Variants in ANAPC4 observed in about 807,000 individuals in gnomAD.
The protein encoded by ANAPC4 is anaphase-promoting complex subunit 4.
In ANAPC4, 63 loss-of-function variants were observed where a neutral mutation model predicts 119.8. The observed-to-expected ratio is 0.53, with a 90% CI of 0.43 to 0.65. The LOEUF (loss-of-function observed/expected upper bound fraction) is 0.65, where lower values mean the gene tolerates loss of function less well. Ranked by LOEUF, ANAPC4 falls within the 30% of genes least tolerant of loss-of-function variation. ANAPC4 has a pLI of 0.00. For missense variants in ANAPC4, 716 were observed against 945.1 expected (o/e 0.76, Z 3.18); for synonymous variants, 283 against 318.6 (o/e 0.89, Z 1.19).
rs771587730 is a variant in ANAPC4, at chr4:25,377,543, A to G, written c.116A>G (p.Asn39Ser). ...AAGCGGGATCTCATTGCTTTGGCCA[A>G]CACAGCTGGCGAGGTGAGTGAGCCG... ...SPKRDLIALA[N>S]TAGEVLLHRL... The change falls in exon 2 of 29, where the codon AAC (asparagine) becomes AGC (serine). Residue 39 changes from asparagine to serine, a missense_variant. Transcript: ENST00000315368. 3.1e-6 allele frequency: 5 copies of G among 1,612,282 alleles called. No homozygotes were observed. Among genetic ancestry groups the G allele is most frequent in the Non-Finnish European group, 3.4e-6 (4 of 1,179,560 alleles).
chr4:25,395,077 A>G (rs1722571871), intron 14 of ANAPC4, 172 bp downstream of exon 14: 1 of 549,476 alleles, frequency 1.8e-6, no homozygotes, highest in African/African-American at 1.9e-5. Flanking sequence ...AAGAGTCAAT[A>G]ATAATTCTGC....
intron 4 of ANAPC4, among the ~76,000 whole-genome samples, chr4:25,387,977 A>G (rs1278518995): frequency 6.6e-6 from 1 of 152,046 alleles, no homozygotes; most frequent in East Asian, 1.9e-4. Flanking sequence ...AAAAATGTAT[A>G]TATTAGCTGG....
chr4:25,377,695 C>T (rs1721487924), intron 2 of ANAPC4, 139 bp downstream of exon 2: 1 of 1,275,860 alleles, frequency 7.8e-7, no homozygotes, highest in Non-Finnish European at 1.1e-6. Flanking sequence ...TGGCCACCTG[C>T]TACCCCTTCC....
At chr4:25,393,968 A>G in intron 11 of ANAPC4, 77 bp downstream of exon 11, 1 of 1,196,336 alleles carries the variant, frequency 8.4e-7, no homozygotes, top group Non-Finnish European at 1.2e-6. Context: ...TACATGAGAA[A>G]AATCAGTTTG....
chr4:25,418,007 G>A, intron 28 of ANAPC4, 148 bp from the exon 29 acceptor site: 7 of 904,274 alleles, frequency 7.7e-6, no homozygotes, highest in Non-Finnish European at 9.8e-6. Context: ...TATACAAAAT[G>A]AAGGCTGAAT....
At chr4:25,415,848 C>G in intron 26 of ANAPC4, 1 of 243,540 alleles carries the variant, frequency 4.1e-6, no homozygotes, top group African/African-American at 2.2e-5. Context: ...GTTCTTGTTA[C>G]GACCAAAAAA....
chr4:25,409,461 A>C (rs1010669102), intron 20 of ANAPC4, among the ~76,000 whole-genome samples: 1 of 152,196 alleles, frequency 6.6e-6, no homozygotes, highest in Non-Finnish European at 1.5e-5. Flanking sequence ...TAATTCTGCC[A>C]CATACACATA....
intron 17 of ANAPC4, among the ~76,000 whole-genome samples, chr4:25,403,834 CCTGT>C (rs1341601905): frequency 6.6e-6 from 1 of 152,196 alleles, no homozygotes; most frequent in African/African-American, 2.4e-5. Flanking sequence ...CCACTTACAG[CCTGT>C]CTTTGTGTCT....
At chr4:25,394,512 A>G (rs1177961105) in intron 12 of ANAPC4, 138 bp downstream of exon 12, 16 of 1,007,044 alleles carry the variant, frequency 1.6e-5, no homozygotes, top group Admixed American at 3.2e-5. Context: ...AATGTGTTAC[A>G]TACTTACGGG....
chr4:25,413,015 A>G (rs1271150741), intron 21 of ANAPC4: 1 of 151,926 alleles, frequency 6.6e-6, no homozygotes, highest in Non-Finnish European at 1.5e-5. Context: ...AGAACTAGAT[A>G]CTTAGTTATT....
intron 2 of ANAPC4, among the ~76,000 whole-genome samples, chr4:25,380,031 G>C (rs1379959294): frequency 6.6e-6 from 1 of 152,188 alleles, no homozygotes. Flanking sequence ...CTAATTCCAA[G>C]CTTAGTATAA....
intron 27 of ANAPC4, 197 bp downstream of exon 27, chr4:25,416,795 A>G (rs979971223): frequency 1.3e-5 from 5 of 373,758 alleles, no homozygotes; most frequent in African/African-American, 2.1e-5. Flanking sequence ...CCTTTGCTTT[A>G]CTAGTAAATC....
chr4:25,412,450 C>G (rs986183244), intron 21 of ANAPC4, among the ~76,000 whole-genome samples: 3 of 152,052 alleles, frequency 2.0e-5, no homozygotes, highest in African/African-American at 4.8e-5. Flanking sequence ...TGGCCAGCCC[C>G]TATCCTAAAG....
chr4:25,404,395 G>C (rs1405185889), intron 17 of ANAPC4, among the ~76,000 whole-genome samples: 1 of 151,898 alleles, frequency 6.6e-6, no homozygotes, highest in Admixed American at 6.6e-5. Flanking sequence ...GAGGTAGTTT[G>C]GTTTTACTTA....
At chr4:25,400,222 G>A (rs1722889991) in intron 16 of ANAPC4, among the ~76,000 whole-genome samples, 2 of 152,114 alleles carry the variant, frequency 1.3e-5, no homozygotes, top group Admixed American at 1.3e-4. Flanking sequence ...GCATGTTTAT[G>A]TATGGATGGA....
At position 25,406,817 on chromosome 4, in the gene ANAPC4, T is replaced by A. The variant is rs962639057; in HGVS notation, c.1318-12T>A. ...TTATCTTGATTTTTCTTTTTGTTCC[T>A]TTTGTTGATAGATGACTCAGAAAGA... On this transcript the variant is annotated splice_polypyrimidine_tract_variant and intron_variant, in intron 18 of 28. Transcript: ENST00000315368. 4 of 1,586,612 alleles carry A rather than the reference T, an allele frequency of 2.5e-6. No homozygotes were observed. The highest frequency in any genetic ancestry group is 1.7e-4 in the Middle Eastern group (1 of 5,954).
At chr4:25,414,183 A>G (rs1173510272) in intron 22 of ANAPC4, 141 bp from the exon 23 acceptor site, 11 of 583,852 alleles carry the variant, frequency 1.9e-5, no homozygotes, top group Non-Finnish European at 3.2e-5. Context: ...TACAATTGTC[A>G]TTAACGTTTC....
At chr4:25,377,609 A>G (rs1383180311) in intron 2 of ANAPC4, 53 bp downstream of exon 2, 7 of 1,507,928 alleles carry the variant, frequency 4.6e-6, no homozygotes, top group East Asian at 4.9e-5. Context: ...CGGGGGGCCC[A>G]AGAACACCGA....
intron 20 of ANAPC4, among the ~76,000 whole-genome samples, 171 bp downstream of exon 20, chr4:25,407,424 A>T (rs538400724): frequency 6.6e-6 from 1 of 152,272 alleles, no homozygotes; most frequent in Admixed American, 6.5e-5. Context: ...TACATTCTTA[A>T]AAATTATTGA....
Sources: gnomAD v4.1 joint callset for allele counts (sites outside exome capture counted in the v4.1 genomes callset) on GRCh38, gnomAD v4.1.1 for gene constraint, MANE v1.5 for transcripts, NCBI Gene and HGNC (gene_info 2026-07-23, HGNC 2026-07-21) for gene names.